Variants in CTIF observed in about 807,000 individuals in gnomAD.
CTIF encodes cap binding complex dependent translation initiation factor.
In CTIF, 21 loss-of-function variants were observed where a neutral mutation model predicts 66.0. The ratio of observed to expected loss-of-function variants is 0.32; its 90% CI spans 0.23 to 0.46. CTIF has a LOEUF of 0.46. Ranked by LOEUF, CTIF falls within the 20% of genes least tolerant of loss-of-function variation. CTIF has a pLI of 1.00. For synonymous variants in CTIF, 345 were observed against 326.4 expected (o/e 1.06, Z -0.62); for missense variants, 739 against 812.7 (o/e 0.91, Z 1.10).
At chr18:48,666,753 A>T (rs1169811265) in intron 5 of CTIF, among the ~76,000 whole-genome samples, 1 of 151,934 alleles carries the variant, frequency 6.6e-6, no homozygotes, top group South Asian at 2.1e-4. Context: ...ACCCTACCTT[A>T]CCCCATCCAC....
intron 3 of CTIF, among the ~76,000 whole-genome samples, chr18:48,651,368 T>G (rs1460951052): frequency 6.6e-6 from 1 of 152,104 alleles, no homozygotes; most frequent in Non-Finnish European, 1.5e-5. Flanking sequence ...AAACAGACTT[T>G]AAACCAACAA....
intron 10 of CTIF, chr18:48,826,002 AG>A (rs961583087): frequency 6.6e-6 from 1 of 152,244 alleles, no homozygotes; most frequent in Admixed American, 6.5e-5. Flanking sequence ...CCCTTGGGTG[AG>A]GGGCATAGCC....
intron 3 of CTIF, chr18:48,662,770 C>T (rs1418134028): frequency 6.6e-6 from 1 of 152,054 alleles, no homozygotes; most frequent in African/African-American, 2.4e-5. Flanking sequence ...TTCTCTTTTG[C>T]ATCTGGGTTC....
At chr18:48,824,122 A>T (rs1049642531) in intron 10 of CTIF, among the ~76,000 whole-genome samples, 1 of 152,222 alleles carries the variant, frequency 6.6e-6, no homozygotes, top group Non-Finnish European at 1.5e-5. Flanking sequence ...TTAGGAAAAC[A>T]ATCTTACAAT....
intron 9 of CTIF, among the ~76,000 whole-genome samples, chr18:48,769,478 A>G (rs1316774877): frequency 6.6e-6 from 1 of 152,246 alleles, no homozygotes; most frequent in Non-Finnish European, 1.5e-5. Context: ...ATCTGTCCCC[A>G]TGCTGAAGCC....
chr18:48,777,471 T>A (rs1304534913), intron 9 of CTIF, among the ~76,000 whole-genome samples: 1 of 152,116 alleles, frequency 6.6e-6, no homozygotes, highest in Non-Finnish European at 1.5e-5. Flanking sequence ...AAGGGTCCCC[T>A]CCAGACCTCC....
chr18:48,817,118 G>T, intron 9 of CTIF, 103 bp from the exon 10 acceptor site: 1 of 1,207,802 alleles, frequency 8.3e-7, no homozygotes, highest in Non-Finnish European at 1.2e-6. Flanking sequence ...TTTGCCTGCT[G>T]CCCAGGAGCA....
At chr18:48,763,167 T>C (rs754418053) in intron 9 of CTIF, among the ~76,000 whole-genome samples, 4 of 152,094 alleles carry the variant, frequency 2.6e-5, no homozygotes, top group Admixed American at 6.6e-5. Context: ...CATCAGCCTA[T>C]GGTCTCGGCT....
At chr18:48,856,440 A>C (rs11082711) in intron 10 of CTIF, among the ~76,000 whole-genome samples, 1 of 152,120 alleles carries the variant, frequency 6.6e-6, no homozygotes, top group Non-Finnish European at 1.5e-5. Context: ...ACATGCATCC[A>C]GGAAAAGCCT....
At chr18:48,728,556 G>A (rs9961808) in intron 7 of CTIF, among the ~76,000 whole-genome samples, 49,818 of 151,944 alleles carry the variant, frequency 0.33, 9,948 homozygotes, top group African/African-American at 0.56. Flanking sequence ...CCAGGATTGC[G>A]GTCATCTGAC....
chr18:48,784,143 G>T (rs1911498944), intron 9 of CTIF, among the ~76,000 whole-genome samples: 2 of 152,246 alleles, frequency 1.3e-5, no homozygotes, highest in African/African-American at 4.8e-5. Context: ...AATGCAGACA[G>T]TACCCAGTAA....
intron 3 of CTIF, 97 bp downstream of exon 3, chr18:48,636,782 A>G (rs1359290561): frequency 4.5e-6 from 4 of 898,220 alleles, no homozygotes; most frequent in African/African-American, 3.5e-5. Context: ...GAGTGGTGAC[A>G]TGGAGAGTGC....
chr18:48,705,003 C>T (rs535831679), intron 6 of CTIF, among the ~76,000 whole-genome samples: 33 of 152,284 alleles, frequency 2.2e-4, no homozygotes, highest in African/African-American at 7.7e-4. Flanking sequence ...CTGACCACCT[C>T]GGCTGGCAGG....
intron 2 of CTIF, among the ~76,000 whole-genome samples, chr18:48,632,557 C>G (rs1258178285): frequency 6.6e-6 from 1 of 152,204 alleles, no homozygotes; most frequent in Non-Finnish European, 1.5e-5. Flanking sequence ...TCCCCACTTC[C>G]CCCCTGGGCC....
intron 1 of CTIF, among the ~76,000 whole-genome samples, chr18:48,606,934 T>C (rs2090212452): frequency 6.6e-6 from 1 of 152,232 alleles, no homozygotes. Flanking sequence ...GGCCGGCACA[T>C]ACTAAATTCT....
intron 10 of CTIF, among the ~76,000 whole-genome samples, chr18:48,849,724 T>C (rs932236482): frequency 1.2e-4 from 18 of 151,726 alleles, no homozygotes; most frequent in Non-Finnish European, 2.5e-4. Flanking sequence ...TAGCTGGGAC[T>C]ACAGGCCCGC....
chr18:48,792,698 G>T (rs142069968), intron 9 of CTIF, among the ~76,000 whole-genome samples: 1 of 152,180 alleles, frequency 6.6e-6, no homozygotes, highest in African/African-American at 2.4e-5. Context: ...AGGACTGGAC[G>T]TAGGTGCAAA....
chr18:48,816,162 A>ATCAGGCTAGCCCAGAGAGAGTCTTCTTC (rs1342765548), intron 9 of CTIF, among the ~76,000 whole-genome samples: 4 of 152,174 alleles, frequency 2.6e-5, no homozygotes, highest in Non-Finnish European at 5.9e-5. Context: ...CCCTGGGACC[A>ATCAGGCTAGCCCAGAGAGAGTCTTCTTC]TCAGGCTAGC....
At chr18:48,596,261 T>A (rs1181513463) in intron 1 of CTIF, among the ~76,000 whole-genome samples, 1 of 152,184 alleles carries the variant, frequency 6.6e-6, no homozygotes, top group Non-Finnish European at 1.5e-5. Flanking sequence ...AGGCCTCGTG[T>A]GAGGGCTCTG....
Sources: gnomAD v4.1 joint callset for allele counts (sites outside exome capture counted in the v4.1 genomes callset) on GRCh38, gnomAD v4.1.1 for gene constraint, MANE v1.5 for transcripts, NCBI Gene and HGNC (gene_info 2026-07-23, HGNC 2026-07-21) for gene names.